Variants in EPHA3 observed in about 807,000 individuals in gnomAD.
EPHA3 encodes ephrin type-A receptor 3.
Under a neutral mutation model 107.1 loss-of-function variants are expected in EPHA3, and 42 were observed. That is an observed-to-expected ratio of 0.39 (90% CI 0.31 to 0.51). EPHA3 has a LOEUF of 0.51. Ranked by LOEUF, EPHA3 falls within the 20% of genes least tolerant of loss-of-function variation. The probability of loss-of-function intolerance (pLI) is 0.78; values close to 1 mark genes in which losing one functional copy is unlikely to be tolerated. For missense variants in EPHA3, 1,183 were observed against 1,211.2 expected (o/e 0.98, Z 0.35); for synonymous variants, 461 against 424.8 (o/e 1.09, Z -1.05).
chr3:89,309,327 T>C (rs1332987776), intron 3 of EPHA3, among the ~76,000 whole-genome samples: 2 of 152,120 alleles, frequency 1.3e-5, no homozygotes, highest in African/African-American at 2.4e-5. Context: ...GGAGAGAATA[T>C]TGTTTTGTTT....
At chr3:89,410,170 G>GT (rs983859657) in intron 9 of EPHA3, among the ~76,000 whole-genome samples, 2 of 151,814 alleles carry the variant, frequency 1.3e-5, no homozygotes, top group South Asian at 2.1e-4. Context: ...GTTTATGTTT[G>GT]TTTTTTTCCC....
chr3:89,399,862 A>T lies in EPHA3; in HGVS notation c.1594+382A>T, dbSNP rs1708923705. On this transcript the variant is annotated intron_variant, in intron 7 of 16. Transcript: ENST00000336596. ...CCACAAAAAAGAAACTTGCTGATCC[A>T]TGAGAATCTTAATTTTGTTTTAATC... 2.8e-6 allele frequency: 3 copies of T among 1,077,502 alleles called. No individual in the cohort carries two copies. The South Asian group carries it at 1.3e-4, about 48-fold the overall frequency. 66.7% of individuals were successfully genotyped at this position (1,077,502 alleles called of 1,614,324 possible).
chr3:89,196,241 C>T (rs1705833961), intron 2 of EPHA3, among the ~76,000 whole-genome samples: 1 of 152,106 alleles, frequency 6.6e-6, no homozygotes, highest in Non-Finnish European at 1.5e-5. Flanking sequence ...TCAGTGAAGA[C>T]TTCCCAGGCC....
In EPHA3 at chr3:89,330,394, G is replaced by A. The variant is rs375864097; in HGVS notation, c.815-10522G>A. Among the ~76,000 whole-genome samples, 9 of 151,944 alleles carry A rather than the reference G, an allele frequency of 5.9e-5. No individual in the cohort carries two copies. In the East Asian group the frequency reaches 9.7e-4, roughly 16 times the overall value. ...TATTATGTGATAATAAAAATCCAAT[G>A]TATAAATTATATATCATAGGTTTTT... On this transcript the variant is annotated intron_variant, in intron 3 of 16. Transcript: ENST00000336596.
Position 89,175,086 on chromosome 3 carries a change from G to C in EPHA3, c.154-34774G>C, listed in dbSNP as rs1040720101. Among the ~76,000 whole-genome samples, 184 of 104,502 alleles carry C rather than the reference G, an allele frequency of 1.8e-3. 1 individual carries two copies. The highest frequency in any genetic ancestry group is 3.1e-3 in the Non-Finnish European group (156 of 50,470). 68.6% of individuals were successfully genotyped at this position (104,502 alleles called of 152,430 possible). On this transcript the variant is annotated intron_variant, in intron 2 of 16. Coordinates refer to ENST00000336596, the MANE Select transcript of EPHA3 (RefSeq NM_005233.6). Reference sequence around the variant, plus strand: ...GTGATAGCATTTTTTTTTTTTTTTTGTAATCTGGCCTTGAAACTTTCACCT... The same window carrying C: ...GTGATAGCATTTTTTTTTTTTTTTTCTAATCTGGCCTTGAAACTTTCACCT...
chr3:89,408,258 C>G (rs1047264412), intron 9 of EPHA3, 127 bp downstream of exon 9: 18 of 810,240 alleles, frequency 2.2e-5, no homozygotes, highest in Admixed American at 1.5e-4. Flanking sequence ...AAACTGAGTA[C>G]ATTAAATTTA....
chr3:89,195,230 G>A (rs1232296091), intron 2 of EPHA3, among the ~76,000 whole-genome samples: 1 of 151,890 alleles, frequency 6.6e-6, no homozygotes, highest in Non-Finnish European at 1.5e-5. Context: ...CTTTGCATAA[G>A]TTCTCACACC....
At chr3:89,362,348 T>C (rs1174833174) in intron 5 of EPHA3, among the ~76,000 whole-genome samples, 1 of 151,098 alleles carries the variant, frequency 6.6e-6, no homozygotes, top group Non-Finnish European at 1.5e-5. Context: ...GCCTAGATAG[T>C]GACTGCTGCA....
At chr3:89,110,813 A>G (rs1707086114) in intron 1 of EPHA3, among the ~76,000 whole-genome samples, 2 of 152,116 alleles carry the variant, frequency 1.3e-5, no homozygotes, top group Admixed American at 1.3e-4. Context: ...AAAACTGGAT[A>G]TAAAATAAAA....
chr3:89,381,388 A>G (rs1193712171), intron 5 of EPHA3, among the ~76,000 whole-genome samples: 2 of 151,618 alleles, frequency 1.3e-5, no homozygotes, highest in Non-Finnish European at 1.5e-5. Context: ...CCCAATCATC[A>G]GCGTGGTATG....
chr3:89,435,952 C>CAAG (rs1553693771), intron 13 of EPHA3, among the ~76,000 whole-genome samples: 5 of 149,376 alleles, frequency 3.3e-5, no homozygotes, highest in African/African-American at 1.2e-4. Context: ...GAATCCATCT[C>CAAG]AATAATAATA....
At chr3:89,295,471 TAAC>T (rs1010694485) in intron 3 of EPHA3, among the ~76,000 whole-genome samples, 1 of 152,194 alleles carries the variant, frequency 6.6e-6, no homozygotes, top group Non-Finnish European at 1.5e-5. Context: ...TAATGCCATT[TAAC>T]AACATTTTCT....
intron 3 of EPHA3, among the ~76,000 whole-genome samples, chr3:89,256,691 G>T (rs1437738706): frequency 2.0e-5 from 3 of 152,176 alleles, no homozygotes; most frequent in Non-Finnish European, 2.9e-5. Context: ...GTCAATGCAT[G>T]AATTTCAAGC....
intron 13 of EPHA3, among the ~76,000 whole-genome samples, chr3:89,448,320 C>T (rs983291673): frequency 6.6e-6 from 1 of 152,096 alleles, no homozygotes; most frequent in Non-Finnish European, 1.5e-5. Flanking sequence ...TGCTAGATAC[C>T]TATTTCGTTC....
rs370543090 is a variant in EPHA3 at position 89,479,528 on chromosome 3, C to A, written c.*26C>A. The A allele has an allele frequency of 1.9e-6, 3 of 1,570,648 alleles. No homozygotes were observed. The highest frequency in any genetic ancestry group is 2.6e-6 in the Non-Finnish European group (3 of 1,141,170). On this transcript the variant is annotated 3_prime_UTR_variant, in exon 17 of 17. Coordinates refer to ENST00000336596, the MANE Select transcript of EPHA3 (RefSeq NM_005233.6). ...AGCACGGGACGGAAGTGCTTCTGGA[C>A]GGAAGTGGTGGCTGTGGAAGGCGTA...
chr3:89,199,535 G>A (rs759049787), intron 2 of EPHA3, among the ~76,000 whole-genome samples: 6 of 151,968 alleles, frequency 3.9e-5, no homozygotes, highest in Middle Eastern at 3.2e-3. Flanking sequence ...TCTGTTTCGA[G>A]TCAATGCTTC....
intron 5 of EPHA3, among the ~76,000 whole-genome samples, chr3:89,377,342 A>G (rs961603386): frequency 1.4e-4 from 21 of 152,114 alleles, no homozygotes; most frequent in African/African-American, 4.6e-4. Flanking sequence ...CAAACTTTAC[A>G]TATTGTTTAG....
rs114152063 is a variant in EPHA3 at position 89,419,646 on chromosome 3, C to T, written c.2074+256C>T. ...CCACATATTAGACCATTTAAAGGTA[C>T]GCTGATTAGCAGACAGTTAAGAGAA... is the stretch of plus-strand genomic sequence containing the variant. On this transcript the variant is annotated intron_variant, in intron 11 of 16. Coordinates refer to ENST00000336596, the MANE Select transcript of EPHA3 (RefSeq NM_005233.6). Among the ~76,000 whole-genome samples the T allele has an allele frequency of 2.2e-3, 335 of 151,364 alleles. 1 individual carries two copies. Among genetic ancestry groups the T allele is most frequent in the African/African-American group, 5.9e-3 (244 of 41,392 alleles).
At chr3:89,459,718 T>G (rs1710182796) in intron 15 of EPHA3, among the ~76,000 whole-genome samples, 1 of 152,164 alleles carries the variant, frequency 6.6e-6, no homozygotes, top group South Asian at 2.1e-4. Context: ...AGATGGGGTT[T>G]CACCGTGTTG....
Sources: allele counts gnomAD v4.1 joint callset (sites outside exome capture counted in the v4.1 genomes callset), GRCh38; gene constraint gnomAD v4.1.1; transcripts MANE v1.5; gene names NCBI Gene and HGNC (gene_info 2026-07-23, HGNC 2026-07-21).